The following DOCK1 variants were observed in gnomAD, a reference collection of about 807,000 sequenced individuals.
DOCK1 encodes dedicator of cytokinesis 1, also known as dedicator of cytokinesis protein 1.
A neutral mutation model predicts 262.7 loss-of-function variants in DOCK1; 138 were observed. The ratio of observed to expected loss-of-function variants is 0.53; its 90% confidence interval spans 0.46 to 0.61. The LOEUF is 0.61. Among genes scored for constraint, DOCK1 ranks in the 20% least tolerant of loss-of-function variants. The probability of loss-of-function intolerance (pLI) is 0.00; values close to 1 mark genes in which losing one functional copy is unlikely to be tolerated. For synonymous variants in DOCK1, 866 were observed against 867.4 expected (o/e 1.00, Z 0.03); for missense variants, 1,908 against 2,370.7 (o/e 0.80, Z 4.05).
intron 27 of DOCK1, among the ~76,000 whole-genome samples, chr10:127,241,213 G>A (rs148669612): frequency 0.028 from 4,316 of 152,216 alleles, 172 homozygotes; most frequent in African/African-American, 0.091. Flanking sequence ...CAGCTACTCC[G>A]GAGGCTGAGG....
In DOCK1 at chr10:127,330,041, T is replaced by G. The variant is rs2062908515; in HGVS notation, c.3045-8965T>G. On this transcript the variant is annotated intron_variant, in intron 29 of 51. Transcript: ENST00000623213. ...TTTCCAGACTGGTTTATCCTAACAC[T>G]TGCTAACTCCGCGTTGGGGCTCCTA... Among the ~76,000 whole-genome samples, 3 of 152,270 alleles carry G rather than the reference T, an allele frequency of 2.0e-5. No individual in the cohort carries two copies. The South Asian group carries it at 6.2e-4, about 32-fold the overall frequency.
chr10:127,419,478 TAC>T (rs1184055664), intron 45 of DOCK1, among the ~76,000 whole-genome samples, 186 bp from the exon 46 acceptor site: 2 of 152,216 alleles, frequency 1.3e-5, no homozygotes, highest in Non-Finnish European at 2.9e-5. Context: ...TAGCTCCACT[TAC>T]AGTGTTTGAC....
At chr10:127,145,787 T>TA (rs2051764857) in intron 27 of DOCK1, 2 of 312,966 alleles carry the variant, frequency 6.4e-6, no homozygotes, top group Non-Finnish European at 1.3e-5. Flanking sequence ...TCCATCCTGA[T>TA]ACCCATTGAG....
chr10:127,349,264 C>CTTG (rs2063774934), intron 31 of DOCK1, among the ~76,000 whole-genome samples: 1 of 152,048 alleles, frequency 6.6e-6, no homozygotes, highest in Non-Finnish European at 1.5e-5. Context: ...GAACCTCAGC[C>CTTG]AGGTCCTGGC....
chr10:127,085,807 C>G (rs1315963537), intron 23 of DOCK1, among the ~76,000 whole-genome samples: 1 of 152,104 alleles, frequency 6.6e-6, no homozygotes, highest in Non-Finnish European at 1.5e-5. Context: ...CAGGAGGGAA[C>G]TGAGTTCTTC....
chr10:127,394,287 T>C (rs143206673), intron 38 of DOCK1, among the ~76,000 whole-genome samples: 1 of 151,618 alleles, frequency 6.6e-6, no homozygotes, highest in African/African-American at 2.4e-5. Flanking sequence ...CAGCTGGAGC[T>C]CTGTTGTATT....
At position 127,176,211 on chromosome 10, in the gene DOCK1, G is replaced by C. The variant is rs748982319; in HGVS notation, c.2847+48447G>C. On this transcript the variant is annotated intron_variant, in intron 27 of 51. Coordinates refer to ENST00000623213, the MANE Select transcript of DOCK1 (RefSeq NM_001290223.2). The surrounding 1 kb of genome is among the most constrained non-coding windows in gnomAD (Gnocchi z 4.4). The stretch of plus-strand genomic sequence containing the variant: ...CCCCAGCTGGCCCGAGGACAGCTGT[G>C]TGTCCCTCTGCTCATTCTGTGCCTC... 6.2e-7 allele frequency: 1 copy of C among 1,614,156 alleles called. No individual in the cohort carries two copies. Among genetic ancestry groups the C allele is most frequent in the Admixed American group, 1.7e-5 (1 of 60,026 alleles).
At chr10:126,991,373 G>A (rs1487407059) in intron 6 of DOCK1, among the ~76,000 whole-genome samples, 1 of 152,142 alleles carries the variant, frequency 6.6e-6, no homozygotes, top group Non-Finnish European at 1.5e-5. Flanking sequence ...GCTGCAAGAA[G>A]CCTTAAAAAG....
chr10:127,275,321 G>T (rs2060704206), intron 29 of DOCK1, among the ~76,000 whole-genome samples: 1 of 152,124 alleles, frequency 6.6e-6, no homozygotes, highest in Non-Finnish European at 1.5e-5. Context: ...AATTAACAGA[G>T]AAGTAACCAA....
At chr10:127,450,285 GTC>G (rs2070870182) in intron 51 of DOCK1, among the ~76,000 whole-genome samples, 1 of 152,186 alleles carries the variant, frequency 6.6e-6, no homozygotes, top group South Asian at 2.1e-4. Flanking sequence ...CTGCGTCACT[GTC>G]TATCCTTGAA....
chr10:127,297,430 C>T (rs11017173), intron 29 of DOCK1, among the ~76,000 whole-genome samples: 16,816 of 151,594 alleles, frequency 0.11, 1,162 homozygotes, highest in African/African-American at 0.19. Context: ...GAAGTGGGGA[C>T]GCATCGTCAT....
chr10:127,024,949 C>G, intron 15 of DOCK1, 166 bp downstream of exon 15: 1 of 552,272 alleles, frequency 1.8e-6, no homozygotes, highest in Non-Finnish European at 3.2e-6. Context: ...ACTGGTGTTT[C>G]TTAGAATACA....
chr10:127,075,168 T>C, intron 23 of DOCK1, among the ~76,000 whole-genome samples: 1 of 25,990 alleles, frequency 3.8e-5, no homozygotes, highest in South Asian at 2.2e-3. Flanking sequence ...AAACTCTGTC[T>C]CAAAAAAAAA....
intron 27 of DOCK1, among the ~76,000 whole-genome samples, chr10:127,143,444 C>T (rs1157971805): frequency 2.6e-5 from 4 of 152,184 alleles, no homozygotes; most frequent in African/African-American, 4.8e-5. Flanking sequence ...ATCACCTCAC[C>T]TTGGGGACCT....
At chr10:127,358,967 G>T (rs1380270228) in intron 32 of DOCK1, among the ~76,000 whole-genome samples, 2 of 152,106 alleles carry the variant, frequency 1.3e-5, no homozygotes, top group African/African-American at 4.8e-5. Context: ...CTATGAGACC[G>T]GCAAGGACTG....
At chr10:127,209,159 C>T (rs2057856917) in intron 27 of DOCK1, among the ~76,000 whole-genome samples, 1 of 136,118 alleles carries the variant, frequency 7.3e-6, no homozygotes, top group South Asian at 2.7e-4. Flanking sequence ...TATTTCCATC[C>T]ACAACAAGTG....
At chr10:127,392,965 C>T (rs1410190749) in intron 38 of DOCK1, among the ~76,000 whole-genome samples, 3 of 152,248 alleles carry the variant, frequency 2.0e-5, no homozygotes, top group East Asian at 3.9e-4. Flanking sequence ...AACAATCTTC[C>T]GTCCAAATGA....
At chr10:127,051,891 A>C (rs2044745877) in intron 21 of DOCK1, among the ~76,000 whole-genome samples, 1 of 152,088 alleles carries the variant, frequency 6.6e-6, no homozygotes, top group Non-Finnish European at 1.5e-5. Flanking sequence ...CCCCTACCTA[A>C]TAGTTTTAAA....
At chr10:126,939,066 G>A (rs1247535150) in intron 1 of DOCK1, among the ~76,000 whole-genome samples, 2 of 139,168 alleles carry the variant, frequency 1.4e-5, no homozygotes, top group Non-Finnish European at 3.1e-5. Context: ...CCGGGGGGGG[G>A]ACGAACACCG....
Sources: gnomAD v4.1 joint callset for allele counts (sites outside exome capture counted in the v4.1 genomes callset) on GRCh38, gnomAD v4.1.1 for gene constraint, Gnocchi (gnomAD v3.1) non-coding constraint, MANE v1.5 for transcripts, NCBI Gene and HGNC (gene_info 2026-07-23, HGNC 2026-07-21) for gene names.